The following NEDD4L variants were observed in gnomAD, a reference collection of about 807,000 sequenced individuals.
NEDD4L encodes the protein E3 ubiquitin-protein ligase NEDD4-like.
Under a neutral mutation model 148.9 loss-of-function variants are expected in NEDD4L, and 54 were observed. The observed-to-expected ratio is 0.36, with a 90% CI of 0.29 to 0.45. NEDD4L has a LOEUF of 0.45. Ranked by LOEUF, NEDD4L falls within the 20% of genes least tolerant of loss-of-function variation. The probability of loss-of-function intolerance (pLI) is 1.00; values close to 1 mark genes in which losing one functional copy is unlikely to be tolerated. For missense variants in NEDD4L, 856 were observed against 1,233.8 expected, an observed-to-expected ratio of 0.69 and a Z score of 4.59; for synonymous variants, 433 against 440.7, an observed-to-expected ratio of 0.98 and a Z score of 0.22.
intron 29 of NEDD4L, among the ~76,000 whole-genome samples, chr18:58,391,145 A>G (rs1038702148): frequency 6.6e-5 from 10 of 152,190 alleles, no homozygotes; most frequent in African/African-American, 2.4e-4. Context: ...TGCATACTGA[A>G]AGTCACATTT....
chr18:58,211,608 C>T (rs2042607864), intron 2 of NEDD4L, among the ~76,000 whole-genome samples: 1 of 152,282 alleles, frequency 6.6e-6, no homozygotes, highest in South Asian at 2.1e-4. Flanking sequence ...TGGGTTTTCT[C>T]TTTAATTGAA....
chr18:58,138,666 C>T (rs1210203713), intron 1 of NEDD4L, among the ~76,000 whole-genome samples: 1 of 152,136 alleles, frequency 6.6e-6, no homozygotes, highest in Non-Finnish European at 1.5e-5. Context: ...GATCAAAGTA[C>T]TGGCATATCT....
chr18:58,078,477 G>T (rs1421959653), intron 1 of NEDD4L, among the ~76,000 whole-genome samples: 1 of 152,158 alleles, frequency 6.6e-6, no homozygotes, highest in Non-Finnish European at 1.5e-5. Flanking sequence ...AGGGGGGACC[G>T]CTGAGGGCTT....
intron 10 of NEDD4L, 135 bp from the exon 11 acceptor site, chr18:58,330,603 T>A: frequency 1.8e-6 from 1 of 545,248 alleles, no homozygotes; most frequent in Non-Finnish European, 3.0e-6. Context: ...GAAGGTTGTG[T>A]GCCTCATGAG....
At chr18:58,140,513 A>G (rs180750789) in intron 1 of NEDD4L, among the ~76,000 whole-genome samples, 42 of 148,140 alleles carry the variant, frequency 2.8e-4, no homozygotes, top group African/African-American at 9.6e-4. Context: ...TTGCCCCACA[A>G]AGGGCCACCA....
In NEDD4L at chr18:58,256,521, GAGGGAGCCCCACGGAA is replaced by G; in HGVS notation, c.297+4468_297+4483del. 5.7e-6 allele frequency: 7 copies of G among 1,232,278 alleles called. No homozygotes were observed. Among genetic ancestry groups the G allele is most frequent in the Non-Finnish European group, 7.1e-6 (7 of 988,064 alleles). 76.3% of individuals were successfully genotyped at this position (1,232,278 alleles called of 1,614,324 possible). On this transcript the variant is annotated intron_variant, in intron 5 of 30. Coordinates refer to ENST00000400345, the MANE Select transcript of NEDD4L (RefSeq NM_001144967.3). The surrounding 1 kb of genome is among the most constrained non-coding windows in gnomAD (Gnocchi z 5.2). ...TACCCCACGCAGCCCCGAAGCGAGC[GAGGGAGCCCCACGGAA>G]GATCGGGGAGCCCTGGAGGCATCGC...
chr18:58,282,625 T>C (rs1568568773), intron 5 of NEDD4L, among the ~76,000 whole-genome samples: 2 of 152,246 alleles, frequency 1.3e-5, no homozygotes, highest in Non-Finnish European at 2.9e-5. Flanking sequence ...TCTCTTGACA[T>C]TTTGTTGCCC....
At chr18:58,376,377 A>G (rs962460100) in intron 24 of NEDD4L, among the ~76,000 whole-genome samples, 2 of 152,206 alleles carry the variant, frequency 1.3e-5, no homozygotes, top group Middle Eastern at 3.2e-3. Context: ...GATGAGTAAG[A>G]TAAGAATTAG....
chr18:58,246,615 C>T (rs2047295183), intron 3 of NEDD4L, among the ~76,000 whole-genome samples: 1 of 152,084 alleles, frequency 6.6e-6, no homozygotes, highest in Admixed American at 6.6e-5. Flanking sequence ...CAAGTGTGCA[C>T]CACTATGCCC....
chr18:58,355,163 A>G (rs949775763), intron 18 of NEDD4L, among the ~76,000 whole-genome samples: 1 of 152,112 alleles, frequency 6.6e-6, no homozygotes, highest in Non-Finnish European at 1.5e-5. Flanking sequence ...AGATGTCTTG[A>G]ACTGGGGTTG....
At chr18:58,157,726 G>A (rs2035687580) in intron 1 of NEDD4L, among the ~76,000 whole-genome samples, 1 of 152,042 alleles carries the variant, frequency 6.6e-6, no homozygotes, top group Non-Finnish European at 1.5e-5. Flanking sequence ...TGTTAATTTT[G>A]CCTGAAAAAT....
intron 2 of NEDD4L, among the ~76,000 whole-genome samples, chr18:58,189,580 C>T (rs920495157): frequency 6.6e-6 from 1 of 152,148 alleles, no homozygotes; most frequent in Non-Finnish European, 1.5e-5. Flanking sequence ...ATTCCAATAA[C>T]GAACGTGTAA....
At chr18:58,246,074 C>T (rs1446387534) in intron 3 of NEDD4L, among the ~76,000 whole-genome samples, 1 of 152,006 alleles carries the variant, frequency 6.6e-6, no homozygotes, top group African/African-American at 2.4e-5. Context: ...CAAGACTTTT[C>T]AGTACTAACC....
intron 2 of NEDD4L, among the ~76,000 whole-genome samples, chr18:58,229,713 T>A (rs1408925539): frequency 2.0e-5 from 3 of 152,164 alleles, no homozygotes; most frequent in Non-Finnish European, 4.4e-5. Context: ...CTTTTTCGGC[T>A]GGGCGCGGTG....
chr18:58,188,247 C>T (rs752822799), intron 2 of NEDD4L, among the ~76,000 whole-genome samples: 14 of 152,166 alleles, frequency 9.2e-5, no homozygotes, highest in Admixed American at 3.9e-4. Flanking sequence ...TGGGAGAAAA[C>T]GGAGATGAGT....
chr18:58,376,145 C>T (rs982792695), intron 24 of NEDD4L, among the ~76,000 whole-genome samples: 1 of 152,122 alleles, frequency 6.6e-6, no homozygotes, highest in Admixed American at 6.5e-5. Flanking sequence ...TCTGGGAAAC[C>T]TTCCTAATTA....
intron 19 of NEDD4L, among the ~76,000 whole-genome samples, chr18:58,361,232 A>G (rs1433296736): frequency 6.6e-6 from 1 of 152,078 alleles, no homozygotes; most frequent in Non-Finnish European, 1.5e-5. Context: ...TTCTCTTCCC[A>G]AGTTTTAAAA....
intron 2 of NEDD4L, among the ~76,000 whole-genome samples, chr18:58,231,223 G>C (rs2148130301): frequency 7.2e-6 from 1 of 138,676 alleles, no homozygotes; most frequent in Non-Finnish European, 1.5e-5. Flanking sequence ...GGGTGGCAGA[G>C]CGAGACCCTA....
Position 58,367,818 on chromosome 18 carries a change from T to C in NEDD4L, c.2136T>C (p.Phe712=), listed in dbSNP as rs1033336595. 4 of 1,613,876 alleles carry C rather than the reference T, an allele frequency of 2.5e-6. No individual in the cohort carries two copies. The African/African-American group carries it at 5.3e-5, about 22-fold the overall frequency. ...AGGATCATTTGTCCTACTTCACTTT[T>C]ATTGGAAGAGTTGCTGGTCTGGCCG... The part of the protein sequence containing the change: ...CNEDHLSYFT[F]IGRVAGLAVF... The change falls in exon 22 of 31, where the codon TTT becomes TTC. Residue 712 remains phenylalanine, a synonymous_variant. Transcript: ENST00000400345.
Sources: gnomAD v4.1 joint callset for allele counts (sites outside exome capture counted in the v4.1 genomes callset) on GRCh38, gnomAD v4.1.1 for gene constraint, Gnocchi (gnomAD v3.1) non-coding constraint, MANE v1.5 for transcripts, NCBI Gene and HGNC (gene_info 2026-07-23, HGNC 2026-07-21) for gene names.